The following ATOSA variants were observed in gnomAD, a reference collection of about 807,000 sequenced individuals.
ATOSA encodes atos homolog protein A.
chr15:52,616,265 G>A, the ATOSA span, among the ~76,000 whole-genome samples: 3 of 152,336 alleles, frequency 2.0e-5, no homozygotes, highest in South Asian at 6.2e-4. Context: ...AGACAGTGGT[G>A]AGGAAGGGTT....
the ATOSA span, among the ~76,000 whole-genome samples, chr15:52,667,342 G>A: frequency 2.0e-5 from 3 of 152,066 alleles, no homozygotes; most frequent in Non-Finnish European, 4.4e-5. Context: ...TAACATCAGG[G>A]TCTAACTCCA....
the ATOSA span, among the ~76,000 whole-genome samples, chr15:52,588,724 T>C: frequency 3.6e-3 from 541 of 152,374 alleles, 4 homozygotes; most frequent in African/African-American, 0.013. Context: ...AGTGCTGGGA[T>C]GACAGGCGTG....
chr15:52,693,793 T>G, the ATOSA span, among the ~76,000 whole-genome samples: 2 of 152,232 alleles, frequency 1.3e-5, no homozygotes, highest in African/African-American at 4.8e-5. Flanking sequence ...GAATTACACT[T>G]GGCACAGTGA....
the ATOSA span, chr15:52,649,753 A>G: frequency 2.0e-5 from 3 of 152,230 alleles, no homozygotes; most frequent in Non-Finnish European, 4.4e-5. Flanking sequence ...CAATGTTATT[A>G]TAACTGACTA....
the ATOSA span, chr15:52,678,307 C>T: frequency 1.7e-6 from 1 of 587,362 alleles, no homozygotes; most frequent in Non-Finnish European, 3.0e-6. Context: ...ACCCCCTTCC[C>T]TGCCTCTGTG....
chr15:52,674,137 A>C, the ATOSA span, among the ~76,000 whole-genome samples: 2 of 152,212 alleles, frequency 1.3e-5, no homozygotes, highest in African/African-American at 4.8e-5. Context: ...TTAAGCTCAG[A>C]TATTAAAAAT....
At chr15:52,704,888 A>G in the ATOSA span, among the ~76,000 whole-genome samples, 1 of 152,166 alleles carries the variant, frequency 6.6e-6, no homozygotes, top group Non-Finnish European at 1.5e-5. Context: ...AAATAGGAAC[A>G]CTTTTACACT....
At chr15:52,649,741 A>G in the ATOSA span, 2 of 152,212 alleles carry the variant, frequency 1.3e-5, no homozygotes, top group Admixed American at 1.3e-4. Context: ...GAAATATGCT[A>G]GCAATGTTAT....
chr15:52,584,819 T>C, the ATOSA span: 12,075 of 1,613,732 alleles, frequency 7.5e-3, 230 homozygotes, highest in African/African-American at 0.072. Context: ...TTCTCTTCAC[T>C]TCTTGTTTAA....
At chr15:52,651,605 G>T in the ATOSA span, among the ~76,000 whole-genome samples, 1 of 152,102 alleles carries the variant, frequency 6.6e-6, no homozygotes, top group Non-Finnish European at 1.5e-5. Context: ...CCATTAAAGT[G>T]AGCACATTGT....
the ATOSA span, chr15:52,657,110 A>T: frequency 6.6e-6 from 1 of 152,168 alleles, no homozygotes; most frequent in Non-Finnish European, 1.5e-5. Context: ...GAATCATAGA[A>T]ATTAAGGTAG....
the ATOSA span, among the ~76,000 whole-genome samples, chr15:52,600,680 C>A: frequency 1.3e-5 from 2 of 151,922 alleles, no homozygotes; most frequent in African/African-American, 4.8e-5. Flanking sequence ...ATAATGCAGA[C>A]TTCTATATCA....
the ATOSA span, chr15:52,590,784 A>T: frequency 6.6e-6 from 1 of 152,226 alleles, no homozygotes; most frequent in Admixed American, 6.5e-5. Flanking sequence ...TGGTAAGTAA[A>T]CTTTTAATAG....
At chr15:52,642,695 T>TA in the ATOSA span, among the ~76,000 whole-genome samples, 1 of 152,218 alleles carries the variant, frequency 6.6e-6, no homozygotes, top group Non-Finnish European at 1.5e-5. Context: ...CCATCAATGT[T>TA]AAAGTCTGAC....
the ATOSA span, among the ~76,000 whole-genome samples, chr15:52,634,431 T>A: frequency 6.6e-6 from 1 of 151,598 alleles, no homozygotes; most frequent in African/African-American, 2.4e-5. Flanking sequence ...CCAAGAAAGA[T>A]GGGACAAATA....
the ATOSA span, chr15:52,609,432 C>A: frequency 8.1e-6 from 13 of 1,613,652 alleles, no homozygotes; most frequent in Non-Finnish European, 1.1e-5. Flanking sequence ...GATCAATGTG[C>A]TCCAAGTGTT....
chr15:52,625,614 A>T, the ATOSA span, among the ~76,000 whole-genome samples: 2 of 152,194 alleles, frequency 1.3e-5, no homozygotes, highest in Non-Finnish European at 2.9e-5. Context: ...TTTAAATTCA[A>T]CCAAGTATCT....
chr15:52,592,574 A>C, the ATOSA span, among the ~76,000 whole-genome samples: 2 of 152,228 alleles, frequency 1.3e-5, no homozygotes, highest in Non-Finnish European at 2.9e-5. Flanking sequence ...GAGGTGTCCA[A>C]TCTTTTGGCT....
chr15:52,703,298 A>G, the ATOSA span, among the ~76,000 whole-genome samples: 6 of 152,308 alleles, frequency 3.9e-5, no homozygotes. Flanking sequence ...TAGGGGTGAT[A>G]GAAATGTTTT....
Sources: allele counts gnomAD v4.1 joint callset (sites outside exome capture counted in the v4.1 genomes callset), GRCh38; gene constraint gnomAD v4.1.1; transcripts MANE v1.5; gene names NCBI Gene and HGNC (gene_info 2026-07-23, HGNC 2026-07-21).